Variants in SH3GL2 observed in about 807,000 individuals in gnomAD.
SH3GL2 encodes the protein SH3 domain containing GRB2 like 2, endophilin A1, also known as endophilin-A1.
SH3GL2 carries 24 observed loss-of-function variants against 46.0 expected under a neutral mutation model. The ratio of observed to expected loss-of-function variants is 0.52; its 90% CI spans 0.38 to 0.73. The LOEUF is 0.73. Ranked by LOEUF, SH3GL2 falls within the 30% of genes least tolerant of loss-of-function variation. SH3GL2 has a pLI of 0.00. For synonymous variants in SH3GL2, 196 were observed against 147.1 expected, an observed-to-expected ratio of 1.33 and a Z score of -2.40; for missense variants, 413 against 424.2, an observed-to-expected ratio of 0.97 and a Z score of 0.23.
intron 1 of SH3GL2, among the ~76,000 whole-genome samples, chr9:17,655,583 A>C (rs1410761336): frequency 6.6e-6 from 1 of 152,248 alleles, no homozygotes; most frequent in African/African-American, 2.4e-5. Flanking sequence ...CTTATCAATA[A>C]GCATTTTAAA....
intron 2 of SH3GL2, 55 bp downstream of exon 2, chr9:17,747,189 T>A: frequency 8.8e-7 from 1 of 1,131,082 alleles, no homozygotes; most frequent in Non-Finnish European, 1.3e-6. Context: ...TCTACCATAA[T>A]TAGAGGAGAA....
intron 3 of SH3GL2, among the ~76,000 whole-genome samples, chr9:17,763,600 T>C (rs1418863742): frequency 1.3e-5 from 2 of 152,224 alleles, no homozygotes; most frequent in African/African-American, 4.8e-5. Context: ...GAACCAACTT[T>C]GCCGACACCT....
chr9:17,795,168 T>C (rs1253146796), intron 8 of SH3GL2, among the ~76,000 whole-genome samples: 2 of 152,236 alleles, frequency 1.3e-5, no homozygotes, highest in Non-Finnish European at 2.9e-5. Flanking sequence ...TGCTGTGTTA[T>C]TAACCTACAT....
At chr9:17,618,870 T>G (rs1287686663) in intron 1 of SH3GL2, among the ~76,000 whole-genome samples, 1 of 151,788 alleles carries the variant, frequency 6.6e-6, no homozygotes, top group Non-Finnish European at 1.5e-5. Flanking sequence ...AGCATCTCCT[T>G]GCAAGAGAGA....
intron 1 of SH3GL2, among the ~76,000 whole-genome samples, chr9:17,735,473 G>T (rs1822305730): frequency 6.6e-6 from 1 of 152,050 alleles, no homozygotes; most frequent in Non-Finnish European, 1.5e-5. Context: ...GTTGACCCTT[G>T]AACAATACTT....
chr9:17,637,209 A>T lies in SH3GL2; in HGVS notation c.45+57922A>T, dbSNP rs148752047. 4.9e-4 allele frequency among the ~76,000 whole-genome samples: 74 copies of T among 152,332 alleles called. No individual in the cohort carries two copies. The East Asian group carries it at 0.013, about 27-fold the overall frequency. The stretch of plus-strand genomic sequence containing the variant: ...TCACGGTATGATGTATTTCAGCCCA[A>T]AGTTAAGACCAAAGCACAACTTTAG... On this transcript the variant is annotated intron_variant, in intron 1 of 8. Coordinates refer to ENST00000380607, the MANE Select transcript of SH3GL2 (RefSeq NM_003026.5).
Position 17,579,119 on chromosome 9 carries a change from G to A in SH3GL2, c.-124G>A, listed in dbSNP as rs889697488. ...GTCCCGCTAGGCTCCGCGCCCTCGC[G>A]CCCATAGCCCCGGCGGCGGCACGAC... On this transcript the variant is annotated 5_prime_UTR_variant, in exon 1 of 9. Coordinates refer to ENST00000380607, the MANE Select transcript of SH3GL2 (RefSeq NM_003026.5). The A allele has an allele frequency of 3.5e-6, 2 of 567,740 alleles. No individual in the cohort carries two copies. The highest frequency in any genetic ancestry group is 2.0e-5 in the African/African-American group (1 of 49,602). 35.2% of individuals were successfully genotyped at this position (567,740 alleles called of 1,614,324 possible).
chr9:17,765,398 A>G (rs1823288564), intron 3 of SH3GL2, among the ~76,000 whole-genome samples: 2 of 152,200 alleles, frequency 1.3e-5, no homozygotes, highest in South Asian at 4.1e-4. Flanking sequence ...TTCTATTCTT[A>G]AAACTCAGTT....
intron 2 of SH3GL2, 86 bp from the exon 3 acceptor site, chr9:17,761,351 C>G: frequency 1.2e-6 from 1 of 840,102 alleles, no homozygotes. Context: ...GTTGCATACC[C>G]CGCCATTGTA....
At chr9:17,767,817 A>G (rs1197319204) in intron 3 of SH3GL2, among the ~76,000 whole-genome samples, 2 of 152,222 alleles carry the variant, frequency 1.3e-5, no homozygotes, top group African/African-American at 4.8e-5. Flanking sequence ...CTTCAAAGGA[A>G]TAGGGTATTT....
chr9:17,628,420 GT>G (rs1819338409), intron 1 of SH3GL2, among the ~76,000 whole-genome samples: 1 of 34,702 alleles, frequency 2.9e-5, no homozygotes, highest in Non-Finnish European at 5.5e-5. Flanking sequence ...GGGTGTGTGT[GT>G]GTGTGTGTGT....
chr9:17,742,126 G>C (rs1177743169), intron 1 of SH3GL2, among the ~76,000 whole-genome samples: 1 of 152,158 alleles, frequency 6.6e-6, no homozygotes, highest in African/African-American at 2.4e-5. Flanking sequence ...TTGGTCTTAA[G>C]TCTATTGAAT....
intron 1 of SH3GL2, among the ~76,000 whole-genome samples, chr9:17,684,080 A>G (rs1362091435): frequency 1.3e-5 from 2 of 152,168 alleles, no homozygotes; most frequent in East Asian, 3.9e-4. Flanking sequence ...AACAACACAC[A>G]TAAAAGAAAC....
chr9:17,718,737 A>G (rs57688551), intron 1 of SH3GL2, among the ~76,000 whole-genome samples: 9,595 of 152,108 alleles, frequency 0.063, 767 homozygotes, highest in African/African-American at 0.19. Context: ...CTGAAAAGAA[A>G]ATGCTAACTC....
At position 17,643,108 on chromosome 9, in the gene SH3GL2, C is replaced by T. The variant is rs186243334; in HGVS notation, c.45+63821C>T. 1.6e-3 allele frequency among the ~76,000 whole-genome samples: 249 copies of T among 152,236 alleles called. 1 individual carries two copies. The highest frequency in any genetic ancestry group is 0.014 in the Middle Eastern group (4 of 294). On this transcript the variant is annotated intron_variant, in intron 1 of 8. Coordinates refer to ENST00000380607, the MANE Select transcript of SH3GL2 (RefSeq NM_003026.5). ...CTCCTTGAAGAGGTCCTTCACATCC[C>T]TTGTAAGTTGGGTTCCTAGGTATTT...
At chr9:17,688,806 G>A (rs1319540803) in intron 1 of SH3GL2, among the ~76,000 whole-genome samples, 1 of 152,038 alleles carries the variant, frequency 6.6e-6, no homozygotes, top group African/African-American at 2.4e-5. Context: ...AAATATCTAT[G>A]AGTTCATACT....
chr9:17,793,481 C>T lies in SH3GL2; in HGVS notation c.843C>T (p.Gly281=). 1.2e-6 allele frequency: 2 copies of T among 1,613,142 alleles called. No individual in the cohort carries two copies. The highest frequency in any genetic ancestry group is 1.3e-5 in the African/African-American group (1 of 74,976). Residue 281 remains glycine (G), a synonymous_variant, in exon 8 of 9, where the codon GGC becomes GGT. Transcript: ENST00000380607. ...TQPNGGLSHT[G]TPKPSGVQMD... is the part of the protein sequence containing the mutation. ...CCAATGGGGGTCTCTCCCACACAGG[C>T]ACTCCCAAACCTTCAGGTAAGAGCT...
At chr9:17,737,480 C>G (rs1377807591) in intron 1 of SH3GL2, among the ~76,000 whole-genome samples, 2 of 151,948 alleles carry the variant, frequency 1.3e-5, no homozygotes, top group East Asian at 1.9e-4. Context: ...TCTCTAAGCC[C>G]ATTGTATTAA....
At chr9:17,745,792 T>G (rs369822677) in intron 1 of SH3GL2, among the ~76,000 whole-genome samples, 8 of 152,194 alleles carry the variant, frequency 5.3e-5, no homozygotes, top group African/African-American at 1.9e-4. Flanking sequence ...GAGCTTACTG[T>G]GGGTTGGTCA....
Sources: allele counts gnomAD v4.1 joint callset (sites outside exome capture counted in the v4.1 genomes callset), GRCh38; gene constraint gnomAD v4.1.1; transcripts MANE v1.5; gene names NCBI Gene and HGNC (gene_info 2026-07-23, HGNC 2026-07-21).